The following RNF40 variants were observed in gnomAD, a reference collection of about 807,000 sequenced individuals.
RNF40 encodes E3 ubiquitin-protein ligase BRE1B.
A neutral mutation model predicts 123.3 loss-of-function variants in RNF40; 39 were observed. That is an observed-to-expected ratio of 0.32 (90% CI 0.24 to 0.41). The LOEUF is 0.41. RNF40 is among the 10% of genes least tolerant of loss of function. RNF40 has a pLI of 1.00. For synonymous variants in RNF40, 538 were observed against 526.0 expected (o/e 1.02, Z -0.31); for missense variants, 1,003 against 1,319.9 (o/e 0.76, Z 3.72).
Position 30,766,138 on chromosome 16 carries a change from C to T in RNF40, c.994-25C>T, listed in dbSNP as rs1192394462. 3 of 1,613,332 alleles carry T rather than the reference C, an allele frequency of 1.9e-6. No individual in the cohort carries two copies. Among genetic ancestry groups the T allele is most frequent in the African/African-American group, 2.7e-5 (2 of 74,902 alleles). On this transcript the variant is annotated intron_variant, in intron 8 of 19. Coordinates refer to ENST00000324685, the MANE Select transcript of RNF40 (RefSeq NM_014771.4). This position sits in a 1 kb window ranked among gnomAD's most constrained non-coding sequence, Gnocchi z 5.4. ...TGCTGCCACGTCTGGCCCTGCCTCC[C>T]ATGGCCCTGCCTCCCACTCCTTAGT...
chr16:30,767,513 A>C (rs965052898), intron 11 of RNF40, among the ~76,000 whole-genome samples: 3 of 151,856 alleles, frequency 2.0e-5, no homozygotes, highest in African/African-American at 7.3e-5. Flanking sequence ...AAAAAAAAAG[A>C]AAAAACCTAG....
chr16:30,763,648 CCTAT>C, intron 4 of RNF40, 89 bp downstream of exon 4: 1 of 1,360,218 alleles, frequency 7.4e-7, no homozygotes, highest in South Asian at 1.3e-5. Flanking sequence ...CCCTGAATTG[CCTAT>C]CTTACTACTT....
Position 30,771,966 on chromosome 16 carries a change from G to A in RNF40, c.2720G>A (p.Arg907Lys). The A allele has an allele frequency of 6.3e-7, 1 of 1,593,350 alleles. No individual in the cohort carries two copies. Among genetic ancestry groups the A allele is most frequent in the Non-Finnish European group, 8.6e-7 (1 of 1,166,990 alleles). Residue 907 changes from arginine to lysine, a missense_variant, in exon 18 of 20, where the codon AGG becomes AAG. By Grantham distance (26) the Arg-to-Lys change is conservative. Around this residue, in one of 11 missense-constraint regions of RNF40, gnomAD observed 121 missense variants for 125.3 expected, o/e 0.97. Transcript: ENST00000324685. ...AREKESFNLK[R>K]AQEDISRLRR... ...GAGAAAGAGAGCTTCAACCTCAAGA[G>A]GGCTCAGGTGTGTGCAGGGGTGAGG...
In RNF40 at chr16:30,768,935, A is replaced by G; in HGVS notation, c.2195A>G (p.Gln732Arg). 1 of 1,614,168 alleles carries G rather than the reference A, an allele frequency of 6.2e-7. No homozygotes were observed. Among genetic ancestry groups the G allele is most frequent in the Non-Finnish European group, 8.5e-7 (1 of 1,180,040 alleles). Residue 732 changes from glutamine to arginine, a missense_variant, in exon 15 of 20, where the codon CAG (glutamine) becomes CGG (arginine). By Grantham distance (43) the Gln-to-Arg change is conservative. Coordinates refer to ENST00000324685, the MANE Select transcript of RNF40 (RefSeq NM_014771.4). The surrounding 1 kb of genome is among the most constrained non-coding windows in gnomAD (Gnocchi z 4.1). ...ADEDALRRIR[Q>R]AEEQIEHLQR... ...GAGGATGCCCTGCGGCGCATTCGGCAGGCAGAGGAGCAGATAGAACACCTG... is the reference window on the plus strand; with the variant it reads ...GAGGATGCCCTGCGGCGCATTCGGCGGGCAGAGGAGCAGATAGAACACCTG...
At position 30,762,569 on chromosome 16, in the gene RNF40, C is replaced by G. The variant is rs527851229; in HGVS notation, c.24C>G (p.Arg8=). 36 of 1,601,718 alleles carry G rather than the reference C, an allele frequency of 2.2e-5. No individual in the cohort carries two copies. In the South Asian group the frequency reaches 3.4e-4, roughly 15 times the overall value. The part of the protein sequence containing the change: MSGPGNK[R]AAGDGGSGPP... ...CCATGTCTGGGCCAGGCAACAAACG[C>G]GCCGCCGGCGACGGGGGCTCAGGGC... Residue 8 remains arginine, a synonymous_variant, in exon 2 of 20, where the codon CGC becomes CGG. Transcript: ENST00000324685.
In RNF40 at chr16:30,774,230, C is replaced by T; in HGVS notation, c.*116C>T. On this transcript the variant is annotated 3_prime_UTR_variant, in exon 20 of 20. Coordinates refer to ENST00000324685, the MANE Select transcript of RNF40 (RefSeq NM_014771.4). ...CATTCCGGACCCCATGGGCCCAGCCCCTGCCCATCTAGTTGGTTTGGGGAC... is the reference window on the plus strand; with the variant it reads ...CATTCCGGACCCCATGGGCCCAGCCTCTGCCCATCTAGTTGGTTTGGGGAC... The T allele has an allele frequency of 8.8e-7, 1 of 1,130,716 alleles. No homozygotes were observed. Among genetic ancestry groups the T allele is most frequent in the Non-Finnish European group, 1.2e-6 (1 of 808,708 alleles). 70.0% of individuals were successfully genotyped at this position (1,130,716 alleles called of 1,614,324 possible). A position where few individuals can be genotyped will look rare whatever the true frequency, so the allele number is the denominator to read the frequency against.
In RNF40 at chr16:30,765,628, T is replaced by G. The variant is rs2054014000; in HGVS notation, c.993+129T>G. 10 of 779,020 alleles carry G rather than the reference T, an allele frequency of 1.3e-5. No homozygotes were observed. In the South Asian group the frequency reaches 1.7e-4, roughly 13 times the overall value. 48.3% of individuals were successfully genotyped at this position (779,020 alleles called of 1,614,324 possible). ...CTGGTCACTCCTGCTGCTCTTTTTT[T>G]CATGCATTCATATACTTGTTGAGTA... On this transcript the variant is annotated intron_variant, in intron 8 of 19. Coordinates refer to ENST00000324685, the MANE Select transcript of RNF40 (RefSeq NM_014771.4).
At chr16:30,763,055 C>T (rs987996800) in intron 2 of RNF40, 63 bp from the exon 3 acceptor site, 10 of 1,583,906 alleles carry the variant, frequency 6.3e-6, no homozygotes, top group South Asian at 1.1e-5. Flanking sequence ...CTCTTTCTCT[C>T]TCTGTGATTG....
At chr16:30,773,895 ACT>A (rs2054190299) in intron 19 of RNF40, 41 bp from the exon 20 acceptor site, 2 of 1,578,018 alleles carry the variant, frequency 1.3e-6, no homozygotes, top group Non-Finnish European at 1.7e-6. Flanking sequence ...GGGTCTGGGC[ACT>A]GTCAGAGTTG....
At chr16:30,765,555 G>A (rs1024870438) in intron 8 of RNF40, 56 bp downstream of exon 8, 35 of 1,498,822 alleles carry the variant, frequency 2.3e-5, no homozygotes, top group Non-Finnish European at 3.0e-5. Flanking sequence ...TTGCACTCTT[G>A]AAATTCCCCT....
intron 19 of RNF40, 85 bp from the exon 20 acceptor site, chr16:30,773,853 G>A (rs758961985): frequency 7.2e-7 from 1 of 1,387,292 alleles, no homozygotes; most frequent in Non-Finnish European, 1.0e-6. Context: ...AGTGTGGTGG[G>A]CTTGGCCTGG....
rs765862042 is a variant in RNF40 at position 30,766,181 on chromosome 16, G to A, written c.1012G>A (p.Glu338Lys). The change falls in exon 9 of 20, where the codon GAG becomes AAG. Residue 338 changes from glutamate (E) to lysine (K), a missense_variant. By Grantham distance (56) the Glu-to-Lys change is moderately conservative. This residue lies in a region of RNF40 where 274 missense variants were observed against 356.9 expected (regional missense o/e 0.77). Coordinates refer to ENST00000324685, the MANE Select transcript of RNF40 (RefSeq NM_014771.4). The surrounding 1 kb of genome is among the most constrained non-coding windows in gnomAD (Gnocchi z 5.4). ...TCCTTAGTTTGAGATGCTGAATGCAGAGTTAGAGGAAAACCAGGAACTGGC... is the reference window on the plus strand; with the variant it reads ...TCCTTAGTTTGAGATGCTGAATGCAAAGTTAGAGGAAAACCAGGAACTGGC... ...SMQKFEMLNA[E>K]LEENQELANS... 1 of 1,614,130 alleles carries A rather than the reference G, an allele frequency of 6.2e-7. No homozygotes were observed. The highest frequency in any genetic ancestry group is 1.7e-5 in the Admixed American group (1 of 60,030).
chr16:30,771,296 A>G (rs148591355), intron 17 of RNF40, among the ~76,000 whole-genome samples: 1 of 152,128 alleles, frequency 6.6e-6, no homozygotes, highest in Non-Finnish European at 1.5e-5. Context: ...TGAGGGGAGC[A>G]GAGAGGAGAG....
In RNF40 at chr16:30,775,327, A is replaced by C. The variant is rs996686987; in HGVS notation, c.*1213A>C. On this transcript the variant is annotated 3_prime_UTR_variant, in exon 20 of 20. Coordinates refer to ENST00000324685, the MANE Select transcript of RNF40 (RefSeq NM_014771.4). ...CGGCAGGGATCCCGGACTGGGCCTG[A>C]AGGGGAGAGCGTGGTGGTCGTCGCG... 1 of 295,322 alleles carries C rather than the reference A, an allele frequency of 3.4e-6. No individual in the cohort carries two copies. The highest frequency in any genetic ancestry group is 4.9e-5 in the Admixed American group (1 of 20,472). The allele number at this position is 295,322 out of a possible 1,614,324, so 18.3% of individuals were successfully genotyped here.
At position 30,764,214 on chromosome 16, in the gene RNF40, G is replaced by C; in HGVS notation, c.478G>C (p.Glu160Gln). 6.2e-7 allele frequency: 1 copy of C among 1,611,522 alleles called. No homozygotes were observed. The highest frequency in any genetic ancestry group is 1.7e-4 in the Middle Eastern group (1 of 6,012). The change falls in exon 5 of 20, where the codon GAG (glutamate) becomes CAG (glutamine). Residue 160 changes from glutamate to glutamine, a missense_variant. Coordinates refer to ENST00000324685, the MANE Select transcript of RNF40 (RefSeq NM_014771.4). ...LLMQLRPPLS[E>Q]PALAFVVALG... Reference sequence around the variant, plus strand: ...GATGCAGCTGCGGCCCCCTCTCAGTGAGCCGGCCTTGGCTTTTGTGGTGGC... The same window carrying C: ...GATGCAGCTGCGGCCCCCTCTCAGTCAGCCGGCCTTGGCTTTTGTGGTGGC...
chr16:30,764,193 C>G lies in RNF40; in HGVS notation c.457C>G (p.Gln153Glu). ...ATTCCTTCCAGACCCCTTGCTGATG[C>G]AGCTGCGGCCCCCTCTCAGTGAGCC... ...TSELRDPLLMQLRPPLSEPAL... is the reference protein window; with the variant it reads ...TSELRDPLLMELRPPLSEPAL... The change falls in exon 5 of 20, where the codon CAG becomes GAG. Residue 153 changes from glutamine (Q) to glutamate (E), a missense_variant. Around this residue, in one of 11 missense-constraint regions of RNF40, gnomAD observed 104 missense variants for 85.2 expected, o/e 1.22. Coordinates refer to ENST00000324685, the MANE Select transcript of RNF40 (RefSeq NM_014771.4). 6.2e-7 allele frequency: 1 copy of G among 1,609,192 alleles called. No homozygotes were observed. The highest frequency in any genetic ancestry group is 8.5e-7 in the Non-Finnish European group (1 of 1,177,608).
At chr16:30,761,788 G>A (rs1340046074), upstream of RNF40, 3 of 1,485,792 alleles carry the variant, frequency 2.0e-6, no homozygotes, top group South Asian at 1.3e-5. Context: ...CCGGGCTCCC[G>A]CCGCCTAGGT....
chr16:30,769,238 A>G lies in RNF40; in HGVS notation c.2300A>G (p.Asp767Gly). 1 of 1,614,232 alleles carries G rather than the reference A, an allele frequency of 6.2e-7. No homozygotes were observed. Among genetic ancestry groups the G allele is most frequent in the Non-Finnish European group, 8.5e-7 (1 of 1,180,022 alleles). ...GATGTGACAGGTCAGGCTTTTGAGG[A>G]CATGCAGGAACAGAACGGGCGGCTG... is the stretch of plus-strand genomic sequence containing the variant. Reference protein sequence around the residue: ...EMDVTGQAFEDMQEQNGRLLQ... With the variant: ...EMDVTGQAFEGMQEQNGRLLQ... Residue 767 changes from aspartate (D) to glycine (G), a missense_variant, in exon 16 of 20, where the codon GAC becomes GGC. Transcript: ENST00000324685.
chr16:30,764,748 T>C (rs1315525549), intron 5 of RNF40, among the ~76,000 whole-genome samples, 190 bp from the exon 6 acceptor site: 1 of 152,164 alleles, frequency 6.6e-6, no homozygotes, highest in Non-Finnish European at 1.5e-5. Flanking sequence ...CTGGACATGC[T>C]GGGAAAGTGG....
Sources: gnomAD v4.1 joint callset for allele counts (sites outside exome capture counted in the v4.1 genomes callset) on GRCh38, gnomAD v4.1.1 for gene constraint, gnomAD v4.1.1 regional missense constraint, Gnocchi (gnomAD v3.1) non-coding constraint, MANE v1.5 for transcripts, NCBI Gene and HGNC (gene_info 2026-07-23, HGNC 2026-07-21) for gene names.